The following MESD variants were observed in gnomAD, a reference collection of about 807,000 sequenced individuals.
The protein encoded by MESD is mesoderm development LRP chaperone.
MESD carries 7 observed loss-of-function variants against 12.9 expected under a neutral mutation model. The observed-to-expected ratio is 0.54, with a 90% CI of 0.31 to 1.02. The LOEUF (loss-of-function observed/expected upper bound fraction) is 1.02, where lower values mean the gene tolerates loss of function less well. Ranked by LOEUF, MESD falls within the 50% of genes least tolerant of loss-of-function variation. The probability of loss-of-function intolerance (pLI) is 0.05; values close to 1 mark genes in which losing one functional copy is unlikely to be tolerated. For missense variants in MESD, 342 were observed against 296.7 expected (o/e 1.15, Z -1.12); for synonymous variants, 126 against 115.6 (o/e 1.09, Z -0.58).
At position 80,978,967 on chromosome 15, in the gene MESD, C is replaced by T. The variant is rs1484053694; in HGVS notation, c.*252G>A. On this transcript the variant is annotated 3_prime_UTR_variant, in exon 3 of 3. Transcript: ENST00000261758. The stretch of plus-strand genomic sequence containing the variant: ...GGGAAAAAGCAACACAGTCACATTT[C>T]CATGTAAGGAGATTTTATAGTAAAC... The T allele has an allele frequency of 1.9e-6, 1 of 533,252 alleles. No individual in the cohort carries two copies. Among genetic ancestry groups the T allele is most frequent in the East Asian group, 3.2e-5 (1 of 31,414 alleles). The allele number at this position is 533,252 out of a possible 1,614,324, so 33.0% of individuals were successfully genotyped here.
At chr15:80,955,616 C>CGTGTGTGTGTGTGTGTGTGT (rs536028552) in intron 3 of MESD, among the ~76,000 whole-genome samples, 5 of 144,902 alleles carry the variant, frequency 3.5e-5, no homozygotes, top group Admixed American at 1.4e-4. Context: ...TGTGTTTGTG[C>CGTGTGTGTGTGTGTGTGTGT]GTGTGTGTGT....
At chr15:80,959,288 G>A (rs777097221) in intron 3 of MESD, among the ~76,000 whole-genome samples, 18 of 152,322 alleles carry the variant, frequency 1.2e-4, no homozygotes, top group African/African-American at 1.7e-4. Context: ...GGCTGGAGCT[G>A]CCGCAGTGCC....
chr15:80,949,211 G>A (rs1375705248), intron 4 of MESD: 1 of 462,430 alleles, frequency 2.2e-6, no homozygotes, highest in East Asian at 4.5e-5. Flanking sequence ...TCTTCAGTGG[G>A]GGTTTGGGGA....
At chr15:80,946,895 C>A, downstream of MESD, 1 of 1,042,586 alleles carries the variant, frequency 9.6e-7, no homozygotes, top group Non-Finnish European at 1.5e-6. Context: ...CACAAACCAA[C>A]ATCCCTCCCC....
At chr15:80,986,968 T>C (rs1427244837) in intron 1 of MESD, among the ~76,000 whole-genome samples, 2 of 152,236 alleles carry the variant, frequency 1.3e-5, no homozygotes, top group East Asian at 1.9e-4. Context: ...ACAAGGAAGA[T>C]GATGTTCAGA....
downstream of MESD, among the ~76,000 whole-genome samples, chr15:80,973,917 C>G (rs1902346683): frequency 6.6e-6 from 1 of 152,170 alleles, no homozygotes; most frequent in Non-Finnish European, 1.5e-5. Flanking sequence ...CTTTCTTCTC[C>G]GGAGATCGGA....
rs145459698 is a variant in MESD, at chr15:80,969,607, C to T, written c.*288+9324G>A. 2.3e-3 allele frequency among the ~76,000 whole-genome samples: 343 copies of T among 152,144 alleles called. 3 individuals are homozygous for T. Among genetic ancestry groups the T allele is most frequent in the African/African-American group, 7.8e-3 (324 of 41,508 alleles). The stretch of plus-strand genomic sequence containing the variant: ...TGGTGGCTCACGCCTGTAACCCTAG[C>T]GCTTTGGGAGGTCGAGGCAGGCGGA... On this transcript the variant is annotated intron_variant, in intron 3 of 4. Coordinates refer to the MESD transcript ENST00000561312.
At chr15:80,946,647 G>A, downstream of MESD, 1 of 369,358 alleles carries the variant, frequency 2.7e-6, no homozygotes, top group Non-Finnish European at 5.2e-6. Context: ...CCGAGCCCTG[G>A]CATGGTACGC....
In MESD at chr15:80,989,697, C is replaced by T; in HGVS notation, c.95G>A (p.Cys32Tyr). ...LLLLLPPPGS[C>Y]AAEGSPGTPD... ...CGTCCCGGGCGAGCCTTCGGCCGCGCAGGACCCAGGCGGTGGTAGCAGTAG... is the reference window on the plus strand; with the variant it reads ...CGTCCCGGGCGAGCCTTCGGCCGCGTAGGACCCAGGCGGTGGTAGCAGTAG... Residue 32 changes from cysteine (C) to tyrosine (Y), a missense_variant, in exon 1 of 3, where the codon TGC becomes TAC. Cys to Tyr is a radical substitution (Grantham distance 194). Coordinates refer to ENST00000261758, the MANE Select transcript of MESD (RefSeq NM_015154.3). 1 of 1,612,140 alleles carries T rather than the reference C, an allele frequency of 6.2e-7. No homozygotes were observed. The highest frequency in any genetic ancestry group is 8.5e-7 in the Non-Finnish European group (1 of 1,180,006).
chr15:80,973,764 T>G (rs953248041), downstream of MESD, among the ~76,000 whole-genome samples: 2 of 151,522 alleles, frequency 1.3e-5, no homozygotes, highest in Non-Finnish European at 2.9e-5. Flanking sequence ...TGGTTTTTGT[T>G]TTTTTTTTAA....
chr15:80,955,198 A>G (rs1020710992), intron 3 of MESD, among the ~76,000 whole-genome samples: 1 of 151,914 alleles, frequency 6.6e-6, no homozygotes, highest in African/African-American at 2.4e-5. Flanking sequence ...AGAAATGCCC[A>G]ATCTCGGCCG....
intron 3 of MESD, among the ~76,000 whole-genome samples, chr15:80,954,787 T>C (rs1170569630): frequency 2.0e-5 from 3 of 152,282 alleles, no homozygotes; most frequent in Non-Finnish European, 2.9e-5. Context: ...CTGGATGGCT[T>C]TGAATGCAGC....
Position 80,989,817 on chromosome 15 carries a change from G to C in MESD, c.-26C>G, listed in dbSNP as rs753562652. 2.6e-6 allele frequency: 4 copies of C among 1,542,348 alleles called. No homozygotes were observed. Among genetic ancestry groups the C allele is most frequent in the Admixed American group, 1.9e-5 (1 of 51,606 alleles). On this transcript the variant is annotated 5_prime_UTR_variant, in exon 1 of 3. Coordinates refer to ENST00000261758, the MANE Select transcript of MESD (RefSeq NM_015154.3). ...TTTCGCTGCGCCGCGCAGCGCCCTA[G>C]ACGCGCTTACCCGACCTGCGCGGGC...
intron 3 of MESD, among the ~76,000 whole-genome samples, chr15:80,957,775 G>C (rs1902014094): frequency 6.6e-6 from 1 of 152,186 alleles, no homozygotes; most frequent in African/African-American, 2.4e-5. Flanking sequence ...AGCCCAAAAA[G>C]CAGTGTCTCA....
rs1336618505 is a variant in MESD, at chr15:80,977,413, G to A, written c.*1806C>T. 6.6e-6 allele frequency: 1 copy of A among 152,262 alleles called. No individual in the cohort carries two copies. Among genetic ancestry groups the A allele is most frequent in the Non-Finnish European group, 1.5e-5 (1 of 68,080 alleles). 9.4% of individuals were successfully genotyped at this position (152,262 alleles called of 1,614,324 possible). A position where few individuals can be genotyped will look rare whatever the true frequency, so the allele number is the denominator to read the frequency against. On this transcript the variant is annotated 3_prime_UTR_variant, in exon 3 of 3. Transcript: ENST00000261758. Reference sequence around the variant, plus strand: ...ACCTTGTAGTACCTAGTACATAACAGACACACAGAAACTACTGGGTGAAGT... The same window carrying A: ...ACCTTGTAGTACCTAGTACATAACAAACACACAGAAACTACTGGGTGAAGT...
chr15:80,985,380 A>G (rs1288691144), intron 1 of MESD, among the ~76,000 whole-genome samples: 1 of 152,162 alleles, frequency 6.6e-6, no homozygotes, highest in Non-Finnish European at 1.5e-5. Flanking sequence ...TGGCTATGAC[A>G]CTGCTGACTC....
intron 2 of MESD, among the ~76,000 whole-genome samples, chr15:80,980,774 A>G (rs1283243784): frequency 6.6e-6 from 1 of 152,092 alleles, no homozygotes. Flanking sequence ...CGCCTCTTCA[A>G]AAAATAAAAA....
chr15:80,950,783 T>C (rs1251295006), intron 4 of MESD: 1 of 152,700 alleles, frequency 6.5e-6, no homozygotes, highest in Non-Finnish European at 1.5e-5. Context: ...GAGAACTCTA[T>C]CTGTGGTTTA....
intron 4 of MESD, chr15:80,951,535 G>C (rs1901829465): frequency 6.6e-6 from 1 of 152,628 alleles, no homozygotes; most frequent in Non-Finnish European, 1.5e-5. Flanking sequence ...TAGATGTATA[G>C]AGTGTTTGTA....
Sources: allele counts gnomAD v4.1 joint callset (sites outside exome capture counted in the v4.1 genomes callset), GRCh38; gene constraint gnomAD v4.1.1; transcripts MANE v1.5; gene names NCBI Gene and HGNC (gene_info 2026-07-23, HGNC 2026-07-21).